MAP1B: variants seen among roughly 807,000 people sequenced by gnomAD.
The protein encoded by MAP1B is microtubule associated protein 1B, also known as microtubule-associated protein 1B.
In MAP1B, 12 loss-of-function variants were observed where a neutral mutation model predicts 176.1. The ratio of observed to expected loss-of-function variants is 0.07; its 90% CI spans 0.04 to 0.11. The LOEUF (loss-of-function observed/expected upper bound fraction) is 0.11, where lower values mean the gene tolerates loss of function less well. Among genes scored for constraint, MAP1B ranks in the 10% least tolerant of loss-of-function variants. The pLI, the probability that MAP1B is intolerant of heterozygous loss-of-function variation, is 1.00. For synonymous variants in MAP1B, 1,044 were observed against 1,135.0 expected (o/e 0.92, Z 1.61); for missense variants, 2,523 against 2,990.5 (o/e 0.84, Z 3.65).
At chr5:72,148,730 A>G (rs1397941843) in intron 2 of MAP1B, among the ~76,000 whole-genome samples, 2 of 152,224 alleles carry the variant, frequency 1.3e-5, no homozygotes, top group African/African-American at 4.8e-5. Context: ...AATGCAGGAG[A>G]AGACTCCTTG....
chr5:72,166,683 G>A (rs553562884), intron 2 of MAP1B, among the ~76,000 whole-genome samples: 4 of 152,294 alleles, frequency 2.6e-5, no homozygotes, highest in South Asian at 2.1e-4. Flanking sequence ...ACAGTGAAGC[G>A]TCTTGTCTTT....
chr5:72,174,695 C>A (rs1194273123), intron 2 of MAP1B, among the ~76,000 whole-genome samples: 2 of 152,186 alleles, frequency 1.3e-5, no homozygotes, highest in Non-Finnish European at 2.9e-5. Context: ...CCTTTGTCTG[C>A]AGCAGGTTTT....
Position 72,198,432 on chromosome 5 carries a change from G to C in MAP1B, c.5077G>C (p.Asp1693His), listed in dbSNP as rs1311198962. ...AACTGAAGTGGACTACAGTCCTTCT[G>C]ACATGCAGGACTCCAGTTTATCACA... is the stretch of plus-strand genomic sequence containing the variant. ...GPTEVDYSPS[D>H]MQDSSLSHKI... Residue 1693 changes from aspartate to histidine, a missense_variant, in exon 5 of 7, where the codon GAC (aspartate) becomes CAC (histidine). Asp to His is a moderately conservative substitution (Grantham distance 81). Coordinates refer to ENST00000296755, the MANE Select transcript of MAP1B (RefSeq NM_005909.5). 8 of 1,613,984 alleles carry C rather than the reference G, an allele frequency of 5.0e-6. No individual in the cohort carries two copies. Among genetic ancestry groups the C allele is most frequent in the Non-Finnish European group, 6.8e-6 (8 of 1,180,008 alleles).
At chr5:72,201,357 A>G (rs1441027739) in intron 5 of MAP1B, among the ~76,000 whole-genome samples, 1 of 152,258 alleles carries the variant, frequency 6.6e-6, no homozygotes, top group African/African-American at 2.4e-5. Context: ...AGCCTGGGTG[A>G]CAGAGCAAGA....
chr5:72,119,285 G>A (rs1275772754), intron 2 of MAP1B, among the ~76,000 whole-genome samples: 1 of 152,152 alleles, frequency 6.6e-6, no homozygotes, highest in Admixed American at 6.5e-5. Flanking sequence ...GCCTTGCCTT[G>A]CCTAAAGATC....
Position 72,200,265 on chromosome 5 carries a change from A to G in MAP1B, c.6910A>G (p.Thr2304Ala), listed in dbSNP as rs370461778. 1 of 1,614,066 alleles carries G rather than the reference A, an allele frequency of 6.2e-7. No homozygotes were observed. Among genetic ancestry groups the G allele is most frequent in the African/African-American group, 1.3e-5 (1 of 74,910 alleles). Reference sequence around the variant, plus strand: ...TGTGGAAAAGGCAGCAAAACCCACCACCACTCCTGAGGTCAAAGCTGCACG... The same window carrying G: ...TGTGGAAAAGGCAGCAAAACCCACCGCCACTCCTGAGGTCAAAGCTGCACG... The part of the protein sequence containing the change: ...ESVEKAAKPT[T>A]TPEVKAARGE... The change falls in exon 5 of 7, where the codon ACC becomes GCC. Residue 2304 changes from threonine (T) to alanine (A), a missense_variant. Physicochemically the swap from Thr to Ala is moderately conservative, Grantham distance 58. Coordinates refer to ENST00000296755, the MANE Select transcript of MAP1B (RefSeq NM_005909.5).
At chr5:72,155,733 T>C (rs1746215706) in intron 2 of MAP1B, among the ~76,000 whole-genome samples, 1 of 151,902 alleles carries the variant, frequency 6.6e-6, no homozygotes. Context: ...TCTGAAAGCG[T>C]ACAAGAGGTA....
At chr5:72,158,329 G>A (rs193178504) in intron 2 of MAP1B, among the ~76,000 whole-genome samples, 1 of 152,116 alleles carries the variant, frequency 6.6e-6, no homozygotes, top group East Asian at 1.9e-4. Context: ...TCTTATGATA[G>A]CCCTTGTAAT....
chr5:72,164,696 A>T (rs915387394), intron 2 of MAP1B, among the ~76,000 whole-genome samples: 1 of 152,176 alleles, frequency 6.6e-6, no homozygotes, highest in Non-Finnish European at 1.5e-5. Flanking sequence ...ATCCATTCTG[A>T]GGTGGGTGGG....
intron 2 of MAP1B, among the ~76,000 whole-genome samples, chr5:72,141,071 T>C (rs1293808004): frequency 6.6e-6 from 1 of 152,236 alleles, no homozygotes; most frequent in Non-Finnish European, 1.5e-5. Context: ...CTGTGTCTTC[T>C]GGAGCATTGA....
chr5:72,132,536 A>G (rs1335675415), intron 2 of MAP1B, among the ~76,000 whole-genome samples: 1 of 152,176 alleles, frequency 6.6e-6, no homozygotes, highest in African/African-American at 2.4e-5. Context: ...TCACTGGGTC[A>G]ATATTCTGCA....
chr5:72,166,401 G>A (rs1235213562), intron 2 of MAP1B, among the ~76,000 whole-genome samples: 1 of 152,110 alleles, frequency 6.6e-6, no homozygotes, highest in Non-Finnish European at 1.5e-5. Context: ...CCCGGTACAC[G>A]ATGGGCATCT....
chr5:72,130,498 G>T (rs1579987497), intron 2 of MAP1B, among the ~76,000 whole-genome samples: 1 of 152,288 alleles, frequency 6.6e-6, no homozygotes, highest in South Asian at 2.1e-4. Context: ...AAAATAAACT[G>T]CATAAGAAAT....
chr5:72,121,171 C>T (rs558579104), intron 2 of MAP1B, among the ~76,000 whole-genome samples: 36 of 152,332 alleles, frequency 2.4e-4, no homozygotes, highest in Non-Finnish European at 5.1e-4. Flanking sequence ...TGTCAGGGAA[C>T]GTGTGCACAG....
chr5:72,178,160 G>A (rs1223312329), intron 2 of MAP1B, among the ~76,000 whole-genome samples: 1 of 152,078 alleles, frequency 6.6e-6, no homozygotes, highest in Non-Finnish European at 1.5e-5. Flanking sequence ...GCACCACCAT[G>A]CCTGGCTAAT....
At chr5:72,192,216 A>G (rs1474938843) in intron 4 of MAP1B, among the ~76,000 whole-genome samples, 1 of 152,222 alleles carries the variant, frequency 6.6e-6, no homozygotes, top group Non-Finnish European at 1.5e-5. Context: ...GATTGTGATG[A>G]GAGTCTCTGC....
At chr5:72,200,885 A>G (rs1288555391) in intron 5 of MAP1B, among the ~76,000 whole-genome samples, 1 of 152,206 alleles carries the variant, frequency 6.6e-6, no homozygotes, top group Non-Finnish European at 1.5e-5. Flanking sequence ...AAACATCACC[A>G]GGTTGGAGAT....
chr5:72,205,427 A>C lies in MAP1B; in HGVS notation c.*188A>C, dbSNP rs1747425611. 3 of 585,860 alleles carry C rather than the reference A, an allele frequency of 5.1e-6. No individual in the cohort carries two copies. The highest frequency in any genetic ancestry group is 8.8e-6 in the Non-Finnish European group (3 of 339,774). 36.3% of individuals were successfully genotyped at this position (585,860 alleles called of 1,614,324 possible). A position where few individuals can be genotyped will look rare whatever the true frequency, so the allele number is the denominator to read the frequency against. ...GTTTTTGCTGATTGCTAAGGGAAAT[A>C]ACAGTATTTCCACAATAGGGTTCAA... is the stretch of plus-strand genomic sequence containing the variant. On this transcript the variant is annotated 3_prime_UTR_variant, in exon 7 of 7. Transcript: ENST00000296755.
At chr5:72,155,388 C>A (rs1746210029) in intron 2 of MAP1B, among the ~76,000 whole-genome samples, 1 of 152,202 alleles carries the variant, frequency 6.6e-6, no homozygotes, top group South Asian at 2.1e-4. Context: ...TTCATCGAGA[C>A]TGTGTTGGCA....
Sources: allele counts gnomAD v4.1 joint callset (sites outside exome capture counted in the v4.1 genomes callset), GRCh38; gene constraint gnomAD v4.1.1; transcripts MANE v1.5; gene names NCBI Gene and HGNC (gene_info 2026-07-23, HGNC 2026-07-21).